The following NBPF20 variants were observed in gnomAD, a reference collection of about 807,000 sequenced individuals.
NBPF20 encodes the protein NBPF family member NBPF20.
A neutral mutation model predicts 68.1 loss-of-function variants in NBPF20; 90 were observed. That is an observed-to-expected ratio of 1.32 (90% confidence interval 1.11 to 1.58). NBPF20 has a LOEUF of 1.58. NBPF20 is among the 40% of genes most tolerant of loss of function. NBPF20 has a pLI of 0.00. For missense variants in NBPF20, 816 were observed against 601.2 expected (o/e 1.36, Z -3.74); for synonymous variants, 290 against 228.1 (o/e 1.27, Z -2.45).
chr1:145,404,380 A>T (rs200388784), intron 2 of NBPF20, among the ~76,000 whole-genome samples: 34 of 151,824 alleles, frequency 2.2e-4, no homozygotes, highest in South Asian at 8.3e-4. Context: ...TGCCTCAGCC[A>T]CCCGATTAGT....
chr1:145,416,003 C>T, the NBPF20 span, among the ~76,000 whole-genome samples: 62 of 149,084 alleles, frequency 4.2e-4, no homozygotes, highest in Admixed American at 1.0e-3. Flanking sequence ...CGGTGGCAGG[C>T]GCCTGTAATC....
intron 137 of NBPF20, among the ~76,000 whole-genome samples, chr1:145,292,117 T>C (rs1313394803): frequency 1.3e-5 from 2 of 149,692 alleles, no homozygotes; most frequent in East Asian, 1.9e-4. Flanking sequence ...TCAATAGTTT[T>C]CCATAAAATA....
At chr1:145,306,195 A>G (rs1661402475) in intron 119 of NBPF20, 130 bp from the exon 125 acceptor site, 1 of 503,002 alleles carries the variant, frequency 2.0e-6, no homozygotes, top group Non-Finnish European at 3.5e-6. Flanking sequence ...ATGAGGTAAC[A>G]AATTATTGCC....
intron 9 of NBPF20, among the ~76,000 whole-genome samples, chr1:145,393,523 A>T (rs1475664563): frequency 2.8e-4 from 43 of 151,900 alleles, no homozygotes; most frequent in Non-Finnish European, 4.9e-4. Flanking sequence ...CAGGTGACAC[A>T]CTGATGAGGG....
exon 137 of NBPF20, chr1:145,292,407 T>G (rs587652335): frequency 1.3e-5 from 9 of 688,488 alleles, no homozygotes; most frequent in African/African-American, 6.0e-5. Flanking sequence ...TTTGATCTTC[T>G]TCCCCTTCTT....
At chr1:145,402,421 T>G (rs2101579102) in intron 3 of NBPF20, 40 bp from the exon 9 acceptor site, 2 of 1,603,392 alleles carry the variant, frequency 1.2e-6, no homozygotes, top group Non-Finnish European at 1.7e-6. Context: ...AGTGGAAAGG[T>G]TCAGTGATCC....
intron 137 of NBPF20, among the ~76,000 whole-genome samples, chr1:145,292,105 G>A (rs1462841305): frequency 6.7e-6 from 1 of 149,672 alleles, no homozygotes; most frequent in African/African-American, 2.6e-5. Context: ...AAAAGAGTGA[G>A]CTCAATAGTT....
At chr1:145,410,779 T>TAC in the NBPF20 span, among the ~76,000 whole-genome samples, 6 of 128,784 alleles carry the variant, frequency 4.7e-5, no homozygotes, top group South Asian at 2.4e-4. Context: ...TATATATATA[T>TAC]ACACACACAT....
At chr1:145,407,185 G>A (rs587627261), upstream of NBPF20, among the ~76,000 whole-genome samples, 747 of 149,778 alleles carry the variant, frequency 5.0e-3, 1 homozygote, top group Middle Eastern at 0.041. Context: ...ATTTAGAAGC[G>A]GCGGTGCGAG....
exon 138 of NBPF20, chr1:145,291,654 T>C (rs781789632): frequency 1.2e-6 from 2 of 1,611,856 alleles, no homozygotes; most frequent in Non-Finnish European, 1.7e-6. Flanking sequence ...AACACACTTC[T>C]GTAGTGCTGG....
Position 145,403,615 on chromosome 1 carries a change from G to A in NBPF20, c.176-297C>T, listed in dbSNP as rs1553666080. ...GTCCGTGAGGTCTGACTCTGAATGCGGGGCCACTTTCCCAAGCCTTGCAGC... is the reference window on the plus strand; with the variant it reads ...GTCCGTGAGGTCTGACTCTGAATGCAGGGCCACTTTCCCAAGCCTTGCAGC... On this transcript the variant is annotated intron_variant, in intron 2 of 137. Coordinates refer to ENST00000369373, the Ensembl canonical transcript of NBPF20. 2.6e-4 allele frequency among the ~76,000 whole-genome samples: 40 copies of A among 152,224 alleles called. No individual in the cohort carries two copies. In the South Asian group the frequency reaches 4.8e-3, roughly 18 times the overall value.
intron 7 of NBPF20, among the ~76,000 whole-genome samples, chr1:145,397,692 C>G (rs1331602672): frequency 6.6e-6 from 1 of 152,160 alleles, no homozygotes; most frequent in Admixed American, 6.5e-5. Flanking sequence ...GGCGAAATAA[C>G]CAGCTAATAT....
the NBPF20 span, among the ~76,000 whole-genome samples, chr1:145,419,393 A>C: frequency 1.1e-4 from 16 of 152,322 alleles, no homozygotes; most frequent in African/African-American, 3.8e-4. Flanking sequence ...TCCATGGGGT[A>C]CAACCCCTTC....
At chr1:145,352,294 C>CACAG (rs1661656175) in intron 61 of NBPF20, among the ~76,000 whole-genome samples, 2 of 90,340 alleles carry the variant, frequency 2.2e-5, no homozygotes, top group African/African-American at 4.2e-5. Flanking sequence ...TAGACACACA[C>CACAG]ACACACACAC....
the NBPF20 span, among the ~76,000 whole-genome samples, chr1:145,415,304 G>A: frequency 2.0e-5 from 3 of 151,368 alleles, no homozygotes; most frequent in Admixed American, 1.3e-4. Flanking sequence ...ATATACAATC[G>A]GGCTTTACAC....
the NBPF20 span, among the ~76,000 whole-genome samples, chr1:145,417,770 C>A: frequency 6.9e-6 from 1 of 145,556 alleles, no homozygotes; most frequent in African/African-American, 2.5e-5. Flanking sequence ...GTAAACCTAT[C>A]AGAATGGCTA....
Position 145,291,732 on chromosome 1 carries a change from C to T in NBPF20, c.16735G>A (p.Val5579Ile), listed in dbSNP as rs782582783. The T allele has an allele frequency of 7.4e-6, 12 of 1,611,804 alleles. No individual in the cohort carries two copies. The East Asian group carries it at 1.1e-4, about 15-fold the overall frequency. ...CATCCATCCAGTGAGTCCTGTAAGA[C>T]TTCAGGCTCTTCCACTTCCATCAGC... is the stretch of plus-strand genomic sequence containing the variant. The change falls in exon 138 of 138, where the codon GTC becomes ATC. Residue 5579 changes from valine (V) to isoleucine (I), a missense_variant. Physicochemically the swap from Val to Ile is conservative, Grantham distance 29. Transcript: ENST00000369373.
At chr1:145,400,584 T>G in exon 6 of NBPF20, 1 of 1,611,976 alleles carries the variant, frequency 6.2e-7, no homozygotes, top group Non-Finnish European at 8.5e-7. Context: ...TCTTCAGCCT[T>G]CTGCATCTCC....
intron 8 of NBPF20, 78 bp downstream of exon 13, chr1:145,394,900 G>T (rs1553663429): frequency 6.9e-7 from 1 of 1,456,658 alleles, no homozygotes; most frequent in African/African-American, 1.4e-5. Context: ...GCCCAACAAG[G>T]GGCACAAGGC....
Sources: gnomAD v4.1 joint callset for allele counts (sites outside exome capture counted in the v4.1 genomes callset) on GRCh38, gnomAD v4.1.1 for gene constraint, MANE v1.5 for transcripts, NCBI Gene and HGNC (gene_info 2026-07-23, HGNC 2026-07-21) for gene names.